Variants in PAG1 observed in about 807,000 individuals in gnomAD.
The protein encoded by PAG1 is phosphoprotein associated with glycosphingolipid-enriched microdomains 1.
Under a neutral mutation model 31.7 loss-of-function variants are expected in PAG1, and 23 were observed. The observed-to-expected ratio is 0.73, with a 90% CI of 0.52 to 1.03. PAG1 has a LOEUF of 1.03. PAG1 is among the 50% of genes least tolerant of loss of function. PAG1 has a pLI of 0.00. For synonymous variants in PAG1, 214 were observed against 210.3 expected (o/e 1.02, Z -0.15); for missense variants, 473 against 540.7 (o/e 0.87, Z 1.24).
chr8:81,055,713 G>A (rs1158170698), intron 2 of PAG1, among the ~76,000 whole-genome samples: 91 of 152,198 alleles, frequency 6.0e-4, no homozygotes, highest in African/African-American at 2.0e-3. Context: ...TATTCTCTTT[G>A]AAGCAATTGT....
At position 80,985,003 on chromosome 8, in the gene PAG1, G is replaced by A; in HGVS notation, c.649C>T (p.Gln217Ter). 1 of 1,614,076 alleles carries A rather than the reference G, an allele frequency of 6.2e-7. No individual in the cohort carries two copies. The highest frequency in any genetic ancestry group is 8.5e-7 in the Non-Finnish European group (1 of 1,180,012). ...TSASKELPGP[Q>*]TEGKAEFAEY... Reference sequence around the variant, plus strand: ...GCAAACTCAGCTTTGCCTTCAGTCTGGGGCCCTGGGAGCTCTTTCGAGGCA... The same window carrying A: ...GCAAACTCAGCTTTGCCTTCAGTCTAGGGCCCTGGGAGCTCTTTCGAGGCA... Residue 217 changes from glutamine (Q) to a stop codon, truncating the protein, a stop_gained, in exon 7 of 9, where the codon CAG (glutamine) becomes TAG (stop). Coordinates refer to ENST00000220597, the MANE Select transcript of PAG1 (RefSeq NM_018440.4). LOFTEE classifies it high-confidence loss of function.
rs7009154 is a variant in PAG1, at chr8:80,990,382, G to A, written c.177+1097C>T. On this transcript the variant is annotated intron_variant, in intron 5 of 8. Transcript: ENST00000220597. The surrounding 1 kb of genome is among the most constrained non-coding windows in gnomAD (Gnocchi z 5.1). The stretch of plus-strand genomic sequence containing the variant: ...CTCTGCAAACGTCTGCTGGCTGCGG[G>A]TTTTACGCCAGACCTTGGCTCATCC... 0.19 allele frequency among the ~76,000 whole-genome samples: 28,697 copies of A among 152,024 alleles called. 3,272 individuals are homozygous for A. The highest frequency in any genetic ancestry group is 0.52 in the East Asian group (2,674 of 5,130).
intron 1 of PAG1, among the ~76,000 whole-genome samples, chr8:81,083,931 A>G (rs1436587060): frequency 6.6e-6 from 1 of 152,054 alleles, no homozygotes; most frequent in East Asian, 1.9e-4. Flanking sequence ...GCTACTTGGG[A>G]GGCCGAGGCA....
At chr8:81,032,860 T>C (rs1339906391) in intron 2 of PAG1, among the ~76,000 whole-genome samples, 1 of 152,190 alleles carries the variant, frequency 6.6e-6, no homozygotes, top group African/African-American at 2.4e-5. Flanking sequence ...ATGTGGTATA[T>C]CCATACAGAA....
intron 1 of PAG1, among the ~76,000 whole-genome samples, chr8:81,100,968 G>T (rs182234421): frequency 5.3e-5 from 8 of 152,290 alleles, no homozygotes; most frequent in African/African-American, 1.9e-4. Context: ...ATTATGAATT[G>T]TATCTAGGAG....
At position 81,062,869 on chromosome 8, in the gene PAG1, T is replaced by G. The variant is rs1012378676; in HGVS notation, c.-175+7243A>C. Among the ~76,000 whole-genome samples the G allele has an allele frequency of 5.9e-5, 9 of 152,186 alleles. No individual in the cohort carries two copies. In the South Asian group the frequency reaches 1.2e-3, roughly 21 times the overall value. ...CTTCAGAAGCACATTAGCACCATAATTAAATTTCACTATGGCTGGTCTAAA... is the reference window on the plus strand; with the variant it reads ...CTTCAGAAGCACATTAGCACCATAAGTAAATTTCACTATGGCTGGTCTAAA... On this transcript the variant is annotated intron_variant, in intron 2 of 8. Transcript: ENST00000220597.
chr8:81,006,006 G>A (rs535420488), intron 3 of PAG1, among the ~76,000 whole-genome samples: 68 of 152,202 alleles, frequency 4.5e-4, no homozygotes, highest in Admixed American at 9.8e-4. Context: ...GCAGTGGCGC[G>A]ATCTCGACTC....
At chr8:80,993,081 G>A (rs1807587697) in intron 4 of PAG1, 22 bp downstream of exon 4, 1 of 1,609,028 alleles carries the variant, frequency 6.2e-7, no homozygotes, top group Non-Finnish European at 8.5e-7. Flanking sequence ...TAAGGCACAG[G>A]TATATACACT....
intron 1 of PAG1, among the ~76,000 whole-genome samples, chr8:81,108,264 A>G (rs1393646236): frequency 6.6e-6 from 1 of 152,220 alleles, no homozygotes; most frequent in Non-Finnish European, 1.5e-5. Context: ...GCAAAAGGGA[A>G]TATCTGTTCT....
intron 4 of PAG1, among the ~76,000 whole-genome samples, chr8:80,992,291 G>A (rs886696033): frequency 2.0e-5 from 3 of 152,224 alleles, no homozygotes; most frequent in Non-Finnish European, 2.9e-5. Context: ...GAGGGTCTTG[G>A]CTTTTCTCCT....
At chr8:81,096,068 T>G (rs765241128) in intron 1 of PAG1, among the ~76,000 whole-genome samples, 12 of 152,218 alleles carry the variant, frequency 7.9e-5, no homozygotes, top group Non-Finnish European at 1.5e-4. Context: ...TGGATTTCCT[T>G]AAAACAGCTC....
chr8:81,094,218 T>TATTA (rs1400361715), intron 1 of PAG1, among the ~76,000 whole-genome samples: 1 of 152,226 alleles, frequency 6.6e-6, no homozygotes, highest in Non-Finnish European at 1.5e-5. Flanking sequence ...CTTATTATGA[T>TATTA]ATTAAGTCTT....
At chr8:81,022,285 G>C (rs1808185681) in intron 3 of PAG1, among the ~76,000 whole-genome samples, 1 of 152,176 alleles carries the variant, frequency 6.6e-6, no homozygotes, top group Non-Finnish European at 1.5e-5. Flanking sequence ...TTAATCAAAT[G>C]TAAAAGTTAT....
chr8:81,027,193 G>T (rs1808296504), intron 3 of PAG1, among the ~76,000 whole-genome samples: 3 of 151,936 alleles, frequency 2.0e-5, no homozygotes, highest in Non-Finnish European at 4.4e-5. Flanking sequence ...GTGGAGACAG[G>T]GTTTTGCCAT....
chr8:81,044,206 G>A (rs1373586769), intron 2 of PAG1, among the ~76,000 whole-genome samples: 2 of 152,172 alleles, frequency 1.3e-5, no homozygotes, highest in Non-Finnish European at 2.9e-5. Context: ...AAATGTTAAA[G>A]TCCTAACTCC....
chr8:81,071,176 G>A (rs1398649138), intron 1 of PAG1, among the ~76,000 whole-genome samples: 2 of 152,176 alleles, frequency 1.3e-5, no homozygotes, highest in Non-Finnish European at 2.9e-5. Flanking sequence ...AAGCAAGGTG[G>A]TAATTCCTCC....
intron 2 of PAG1, among the ~76,000 whole-genome samples, chr8:81,064,543 A>G (rs1162086261): frequency 2.0e-5 from 3 of 152,120 alleles, no homozygotes; most frequent in Non-Finnish European, 4.4e-5. Context: ...GAAGAATGTA[A>G]AAAAAGACCT....
intron 1 of PAG1, among the ~76,000 whole-genome samples, chr8:81,074,044 T>C (rs1809136271): frequency 6.6e-6 from 1 of 152,082 alleles, no homozygotes; most frequent in South Asian, 2.1e-4. Flanking sequence ...TGGGCACACG[T>C]GCAGACATGT....
At chr8:81,109,320 G>C (rs1809739158) in intron 1 of PAG1, among the ~76,000 whole-genome samples, 1 of 152,166 alleles carries the variant, frequency 6.6e-6, no homozygotes, top group South Asian at 2.1e-4. Context: ...TACTTCATTT[G>C]CAAGTTGAGG....
Sources: gnomAD v4.1 joint callset for allele counts (sites outside exome capture counted in the v4.1 genomes callset) on GRCh38, gnomAD v4.1.1 for gene constraint, Gnocchi (gnomAD v3.1) non-coding constraint, MANE v1.5 for transcripts, NCBI Gene and HGNC (gene_info 2026-07-23, HGNC 2026-07-21) for gene names.